Variants in BCAS3 observed in about 807,000 individuals in gnomAD.
BCAS3 encodes the protein BCAS4/BCAS3 fusion.
A neutral mutation model predicts 116.1 loss-of-function variants in BCAS3; 53 were observed. The ratio of observed to expected loss-of-function variants is 0.46; its 90% CI spans 0.37 to 0.57. The LOEUF (loss-of-function observed/expected upper bound fraction) is 0.57. Among genes scored for constraint, BCAS3 ranks in the 20% least tolerant of loss-of-function variants. The pLI, the probability that BCAS3 is intolerant of heterozygous loss-of-function variation, is 0.00. For missense variants in BCAS3, 917 were observed against 1,165.4 expected (o/e 0.79, Z 3.10); for synonymous variants, 391 against 408.2 (o/e 0.96, Z 0.51).
At chr17:60,685,539 T>G (rs2033901169) in intron 3 of BCAS3, among the ~76,000 whole-genome samples, 1 of 152,158 alleles carries the variant, frequency 6.6e-6, no homozygotes, top group African/African-American at 2.4e-5. Context: ...TTCAGACAAG[T>G]TACTGAACCT....
At position 61,123,423 on chromosome 17, in the gene BCAS3, A is replaced by G. The variant is rs542253921; in HGVS notation, c.2425+38859A>G. ...CTCGGACATATTCAGTATAAAAACAACCAGGGAACCCCTGTGAAGCTAAGA... is the reference window on the plus strand; with the variant it reads ...CTCGGACATATTCAGTATAAAAACAGCCAGGGAACCCCTGTGAAGCTAAGA... On this transcript the variant is annotated intron_variant, in intron 22 of 23. Coordinates refer to ENST00000407086, the MANE Select transcript of BCAS3 (RefSeq NM_017679.5). Among the ~76,000 whole-genome samples, 13 of 152,284 alleles carry G rather than the reference A, an allele frequency of 8.5e-5. No individual in the cohort carries two copies. The South Asian group carries it at 2.7e-3, about 32-fold the overall frequency.
At chr17:60,831,932 A>G (rs565433645) in intron 7 of BCAS3, among the ~76,000 whole-genome samples, 13 of 152,210 alleles carry the variant, frequency 8.5e-5, no homozygotes, top group African/African-American at 2.9e-4. Context: ...AACATTCTGA[A>G]TGCATCTGTT....
Position 61,028,905 on chromosome 17 carries a change from A to G in BCAS3, c.1638-5761A>G, listed in dbSNP as rs1192643872. Among the ~76,000 whole-genome samples, 7 of 151,862 alleles carry G rather than the reference A, an allele frequency of 4.6e-5. No individual in the cohort carries two copies. The highest frequency in any genetic ancestry group is 8.9e-5 in the Non-Finnish European group (6 of 67,796). ...TTTCCCAGTGGTGCATGTTTTTTCCATTAAGATCTTAATGAAACCTCAAAT... is the reference window on the plus strand; with the variant it reads ...TTTCCCAGTGGTGCATGTTTTTTCCGTTAAGATCTTAATGAAACCTCAAAT... On this transcript the variant is annotated intron_variant, in intron 16 of 23. Transcript: ENST00000407086. The surrounding 1 kb of genome is among the most constrained non-coding windows in gnomAD (Gnocchi z 4.3).
chr17:60,772,087 G>T lies in BCAS3; in HGVS notation c.403+24808G>T, dbSNP rs1385568721. ...TATATACCCAGTAATGGGATGGCTG[G>T]GTCAAATGCTATTTCTAGTTCTAGA... On this transcript the variant is annotated intron_variant, in intron 6 of 23. Coordinates refer to ENST00000407086, the MANE Select transcript of BCAS3 (RefSeq NM_017679.5). 1.3e-5 allele frequency among the ~76,000 whole-genome samples: 2 copies of T among 152,110 alleles called. 1 individual carries two copies. The highest frequency in any genetic ancestry group is 3.8e-4 in the East Asian group (2 of 5,198).
chr17:60,710,986 G>A lies in BCAS3; in HGVS notation c.321+1661G>A, dbSNP rs371967632. ...CCCAGTTAATTTTTAACACTTTAATGGAGACAGGGTCCTACTGTGTTGCCC... is the reference window on the plus strand; with the variant it reads ...CCCAGTTAATTTTTAACACTTTAATAGAGACAGGGTCCTACTGTGTTGCCC... On this transcript the variant is annotated intron_variant, in intron 5 of 23. Transcript: ENST00000407086. Among the ~76,000 whole-genome samples, 29 of 151,270 alleles carry A rather than the reference G, an allele frequency of 1.9e-4. 1 individual carries two copies. The highest frequency in any genetic ancestry group is 1.3e-3 in the Admixed American group (19 of 15,154).
intron 22 of BCAS3, among the ~76,000 whole-genome samples, chr17:61,129,502 T>C (rs1271303176): frequency 3.9e-5 from 6 of 152,230 alleles, no homozygotes; most frequent in Non-Finnish European, 7.3e-5. Context: ...GACAACTTGC[T>C]CTGGTTGCCA....
intron 22 of BCAS3, among the ~76,000 whole-genome samples, chr17:61,197,251 CTAG>C (rs1364526743): frequency 6.6e-6 from 1 of 152,120 alleles, no homozygotes; most frequent in Non-Finnish European, 1.5e-5. Context: ...TTCTCATTAT[CTAG>C]AAAAGGGCCG....
rs1311975430 is a variant in BCAS3, at chr17:61,015,836, G to A, written c.1572G>A (p.Met524Ile). 2 of 1,614,078 alleles carry A rather than the reference G, an allele frequency of 1.2e-6. No homozygotes were observed. Among genetic ancestry groups the A allele is most frequent in the Admixed American group, 3.3e-5 (2 of 60,000 alleles). Residue 524 changes from methionine to isoleucine, a missense_variant, in exon 16 of 24, where the codon ATG becomes ATA. Around this residue, in one of 3 missense-constraint regions of BCAS3, gnomAD observed 807 missense variants for 1,026.0 expected, o/e 0.79. Coordinates refer to ENST00000407086, the MANE Select transcript of BCAS3 (RefSeq NM_017679.5). Reference sequence around the variant, plus strand: ...GGCTCTCTCCTCTTCCCAGCTTGATGGTAGTGATGCCTCTTGCACAAATCA... The same window carrying A: ...GGCTCTCTCCTCTTCCCAGCTTGATAGTAGTGATGCCTCTTGCACAAATCA... ...NPRLSPLPSL[M>I]VVMPLAQIKQ...
At chr17:61,193,461 TAA>T (rs1341260038) in intron 22 of BCAS3, among the ~76,000 whole-genome samples, 3 of 151,728 alleles carry the variant, frequency 2.0e-5, no homozygotes, top group Admixed American at 2.0e-4. Flanking sequence ...ACAGGGGATA[TAA>T]GACTGAATTT....
intron 6 of BCAS3, among the ~76,000 whole-genome samples, chr17:60,790,880 A>T (rs1181299019): frequency 6.6e-6 from 1 of 151,204 alleles, no homozygotes; most frequent in Non-Finnish European, 1.5e-5. Context: ...AGTAGCCAGG[A>T]TTACAGGCGT....
intron 3 of BCAS3, among the ~76,000 whole-genome samples, chr17:60,684,959 G>A (rs1409025003): frequency 1.3e-5 from 2 of 152,102 alleles, no homozygotes; most frequent in Non-Finnish European, 2.9e-5. Context: ...TATAGTAGAA[G>A]GAAAATTAAA....
chr17:61,022,236 T>TTTTG (rs201641037), intron 16 of BCAS3, among the ~76,000 whole-genome samples: 4 of 152,056 alleles, frequency 2.6e-5, no homozygotes, highest in African/African-American at 7.2e-5. Flanking sequence ...TATATATATT[T>TTTTG]TTTGTTTGTT....
intron 16 of BCAS3, among the ~76,000 whole-genome samples, chr17:61,022,295 G>A (rs1445442188): frequency 1.3e-5 from 2 of 152,090 alleles, no homozygotes; most frequent in East Asian, 3.9e-4. Flanking sequence ...TGTAGCCCAG[G>A]CTGGAGAGCA....
At position 61,205,038 on chromosome 17, in the gene BCAS3, A is replaced by G. The variant is rs934636927; in HGVS notation, c.2425+120474A>G. On this transcript the variant is annotated intron_variant, in intron 22 of 23. Transcript: ENST00000407086. This position sits in a 1 kb window ranked among gnomAD's most constrained non-coding sequence, Gnocchi z 5.2. ...AGAGTGAGACCTTGTCTCAAAAAAA[A>G]TTAAAGAATGACAGGATAAAAATTT... 2.0e-5 allele frequency among the ~76,000 whole-genome samples: 3 copies of G among 152,164 alleles called. No individual in the cohort carries two copies. The highest frequency in any genetic ancestry group is 7.2e-5 in the African/African-American group (3 of 41,436).
At chr17:61,304,707 ATGTCTT>A (rs2053704365) in intron 22 of BCAS3, among the ~76,000 whole-genome samples, 1 of 151,384 alleles carries the variant, frequency 6.6e-6, no homozygotes, top group East Asian at 1.9e-4. Flanking sequence ...AACATCCAAC[ATGTCTT>A]TGCAGTTCCC....
At position 61,098,663 on chromosome 17, in the gene BCAS3, A is replaced by G. The variant is rs1486159000; in HGVS notation, c.2425+14099A>G. Among the ~76,000 whole-genome samples, 2 of 152,222 alleles carry G rather than the reference A, an allele frequency of 1.3e-5. No homozygotes were observed. Among genetic ancestry groups the G allele is most frequent in the Non-Finnish European group, 2.9e-5 (2 of 68,030 alleles). ...TTTATGGCATCCATGATCCATGGACAAGAGTGAGTAGAAGGAGATGATACT... is the reference window on the plus strand; with the variant it reads ...TTTATGGCATCCATGATCCATGGACGAGAGTGAGTAGAAGGAGATGATACT... On this transcript the variant is annotated intron_variant, in intron 22 of 23. Coordinates refer to ENST00000407086, the MANE Select transcript of BCAS3 (RefSeq NM_017679.5). The surrounding 1 kb of genome is among the most constrained non-coding windows in gnomAD (Gnocchi z 4.2).
rs1365423654 is a variant in BCAS3, at chr17:61,388,774, G to A, written c.2594-3203G>A. On this transcript the variant is annotated intron_variant, in intron 23 of 23. Transcript: ENST00000407086. This position sits in a 1 kb window ranked among gnomAD's most constrained non-coding sequence, Gnocchi z 6.5. ...TGGGCGGCCGGGATGACTTGGAGGGGGGAATCTGAGCAGCCCTCCTCCCCT... is the reference window on the plus strand; with the variant it reads ...TGGGCGGCCGGGATGACTTGGAGGGAGGAATCTGAGCAGCCCTCCTCCCCT... 5 of 1,423,650 alleles carry A rather than the reference G, an allele frequency of 3.5e-6. No homozygotes were observed. The highest frequency in any genetic ancestry group is 2.8e-5 in the African/African-American group (2 of 70,210). 88.2% of individuals were successfully genotyped at this position (1,423,650 alleles called of 1,614,324 possible).
rs1182919580 is a variant in BCAS3, at chr17:60,956,065, AT to A, written c.1221+8714del. ...GGCAGTAATTTAAAACTATGTAAAT[AT>A]GCCATTCTGCATTGAACTTTCAATT... On this transcript the variant is annotated intron_variant, in intron 14 of 23. Coordinates refer to ENST00000407086, the MANE Select transcript of BCAS3 (RefSeq NM_017679.5). The surrounding 1 kb of genome is among the most constrained non-coding windows in gnomAD (Gnocchi z 4.2). 6.6e-6 allele frequency among the ~76,000 whole-genome samples: 1 copy of A among 152,240 alleles called. No homozygotes were observed. The highest frequency in any genetic ancestry group is 1.5e-5 in the Non-Finnish European group (1 of 68,050).
intron 22 of BCAS3, among the ~76,000 whole-genome samples, chr17:61,147,488 G>T (rs978174710): frequency 1.1e-4 from 17 of 152,280 alleles, no homozygotes; most frequent in African/African-American, 3.4e-4. Flanking sequence ...CTCCAAAAGT[G>T]CTGGGATTAC....
Sources: gnomAD v4.1 joint callset for allele counts (sites outside exome capture counted in the v4.1 genomes callset) on GRCh38, gnomAD v4.1.1 for gene constraint, gnomAD v4.1.1 regional missense constraint, Gnocchi (gnomAD v3.1) non-coding constraint, MANE v1.5 for transcripts, NCBI Gene and HGNC (gene_info 2026-07-23, HGNC 2026-07-21) for gene names.